PDGFD: variants seen among roughly 807,000 people sequenced by gnomAD.
PDGFD encodes the protein platelet-derived growth factor D.
PDGFD carries 30 observed loss-of-function variants against 44.7 expected under a neutral mutation model. That is an observed-to-expected ratio of 0.67 (90% CI 0.50 to 0.91). PDGFD has a LOEUF of 0.91. PDGFD is among the 40% of genes least tolerant of loss of function. PDGFD has a pLI of 0.00. For synonymous variants in PDGFD, 173 were observed against 168.4 expected, an observed-to-expected ratio of 1.03 and a Z score of -0.21; for missense variants, 445 against 457.8, an observed-to-expected ratio of 0.97 and a Z score of 0.25.
At chr11:104,037,145 G>A (rs138983347) in intron 1 of PDGFD, 16 of 1,613,598 alleles carry the variant, frequency 9.9e-6, no homozygotes, top group African/African-American at 1.3e-5. Flanking sequence ...TCCAGCTCCC[G>A]TCCACAGCAC....
intron 5 of PDGFD, among the ~76,000 whole-genome samples, chr11:103,939,954 C>T (rs78541499): frequency 0.012 from 1,791 of 152,146 alleles, 30 homozygotes; most frequent in African/African-American, 0.041. Context: ...ACTCCAGAAG[C>T]TTTTACAGAC....
chr11:104,065,692 T>C (rs1023920835), intron 1 of PDGFD, among the ~76,000 whole-genome samples: 3 of 152,216 alleles, frequency 2.0e-5, no homozygotes, highest in Non-Finnish European at 4.4e-5. Context: ...CTTTGGGTAA[T>C]GTCATTTCTA....
chr11:103,972,574 G>C (rs1011520675), intron 3 of PDGFD, among the ~76,000 whole-genome samples: 1 of 152,128 alleles, frequency 6.6e-6, no homozygotes, highest in African/African-American at 2.4e-5. Flanking sequence ...TTGAAGCTCA[G>C]TTTTGTGAGC....
intron 1 of PDGFD, chr11:104,036,734 G>A (rs1369485308): frequency 8.9e-6 from 9 of 1,005,604 alleles, no homozygotes; most frequent in African/African-American, 1.6e-5. Context: ...AAGTCCTGAG[G>A]AGCAGCGGCA....
intron 1 of PDGFD, among the ~76,000 whole-genome samples, chr11:104,157,147 T>C (rs1221159307): frequency 6.6e-6 from 1 of 152,150 alleles, no homozygotes; most frequent in East Asian, 1.9e-4. Context: ...CAAAATAATA[T>C]CTGCTGTGCT....
intron 4 of PDGFD, chr11:103,946,539 A>G (rs1008776092): frequency 2.0e-5 from 3 of 152,280 alleles, no homozygotes; most frequent in Non-Finnish European, 2.9e-5. Flanking sequence ...AAGCTGCAGC[A>G]TCCCATGACC....
intron 1 of PDGFD, among the ~76,000 whole-genome samples, chr11:104,097,346 A>G (rs1251049285): frequency 6.6e-6 from 1 of 152,212 alleles, no homozygotes; most frequent in African/African-American, 2.4e-5. Flanking sequence ...GATTTGTCAC[A>G]TATACAAGGA....
intron 1 of PDGFD, among the ~76,000 whole-genome samples, chr11:104,045,731 T>C (rs1262685303): frequency 6.9e-6 from 1 of 144,964 alleles, no homozygotes; most frequent in African/African-American, 2.5e-5. Context: ...CAAATAATGA[T>C]GTTAGTTTCA....
At chr11:103,967,599 T>TTC (rs1859040438) in intron 3 of PDGFD, among the ~76,000 whole-genome samples, 1 of 152,156 alleles carries the variant, frequency 6.6e-6, no homozygotes, top group African/African-American at 2.4e-5. Flanking sequence ...TCACTTTGGC[T>TTC]TCTCTTATTA....
rs186173303 is a variant in PDGFD at position 104,160,774 on chromosome 11, T to C, written c.124+3030A>G. On this transcript the variant is annotated intron_variant, in intron 1 of 6. Coordinates refer to ENST00000393158, the MANE Select transcript of PDGFD (RefSeq NM_025208.5). ...TTAGCCATTCTACAGGTAGAAAGGC[T>C]CTGCAGATATACCTTCAGAACAAGA... 4.7e-3 allele frequency among the ~76,000 whole-genome samples: 700 copies of C among 149,920 alleles called. 4 individuals carry two copies. The highest frequency in any genetic ancestry group is 6.8e-3 in the Middle Eastern group (2 of 294).
chr11:104,151,600 A>G (rs899183472), intron 1 of PDGFD, among the ~76,000 whole-genome samples: 14 of 152,172 alleles, frequency 9.2e-5, no homozygotes, highest in African/African-American at 3.1e-4. Context: ...TCAAATAATT[A>G]TTTCGCACAT....
At chr11:104,155,595 A>C (rs1862295821) in intron 1 of PDGFD, among the ~76,000 whole-genome samples, 1 of 152,238 alleles carries the variant, frequency 6.6e-6, no homozygotes, top group Non-Finnish European at 1.5e-5. Context: ...GGGTGATGTA[A>C]TTATATGGAA....
In PDGFD at chr11:103,908,483, A is replaced by G. The variant is rs1278248109; in HGVS notation, c.*1211T>C. ...ATTTTACTTGGTTCAGAAACAGGAA[A>G]TCAGAACAGTGAGCAAGTATACGAT... On this transcript the variant is annotated 3_prime_UTR_variant, in exon 7 of 7. Transcript: ENST00000393158. The G allele has an allele frequency of 6.6e-6, 1 of 152,238 alleles. No individual in the cohort carries two copies. Among genetic ancestry groups the G allele is most frequent in the Non-Finnish European group, 1.5e-5 (1 of 68,020 alleles). The allele number at this position is 152,238 out of a possible 1,614,324, so 9.4% of individuals were successfully genotyped here.
At chr11:104,084,730 C>T (rs1861096816) in intron 1 of PDGFD, among the ~76,000 whole-genome samples, 1 of 120,348 alleles carries the variant, frequency 8.3e-6, no homozygotes, top group African/African-American at 4.3e-5. Context: ...ATATATAATA[C>T]AGATATATGT....
chr11:104,009,274 T>C (rs1417806221), intron 1 of PDGFD, among the ~76,000 whole-genome samples: 1 of 152,034 alleles, frequency 6.6e-6, no homozygotes, highest in Non-Finnish European at 1.5e-5. Flanking sequence ...TAAAATAGTT[T>C]GCTGTTATAT....
chr11:103,909,901 C>A, intron 6 of PDGFD, 82 bp from the exon 7 acceptor site: 2 of 1,551,472 alleles, frequency 1.3e-6, no homozygotes, highest in Non-Finnish European at 1.8e-6. Flanking sequence ...ACCTTTTTGA[C>A]AACTAGTTCT....
At chr11:104,146,166 G>A (rs1278389623) in intron 1 of PDGFD, among the ~76,000 whole-genome samples, 1 of 152,158 alleles carries the variant, frequency 6.6e-6, no homozygotes, top group Non-Finnish European at 1.5e-5. Context: ...ACTATTTACA[G>A]ACACAACTCT....
At chr11:104,140,708 T>C (rs1465807897) in intron 1 of PDGFD, among the ~76,000 whole-genome samples, 1 of 152,218 alleles carries the variant, frequency 6.6e-6, no homozygotes, top group East Asian at 1.9e-4. Flanking sequence ...AACATTATCC[T>C]GGCAACTGAA....
At chr11:103,939,978 T>C (rs187997379) in intron 5 of PDGFD, among the ~76,000 whole-genome samples, 24 of 152,254 alleles carry the variant, frequency 1.6e-4, no homozygotes, top group African/African-American at 5.5e-4. Flanking sequence ...TTTGAGCTTA[T>C]CTATTACTTG....
Sources: allele counts gnomAD v4.1 joint callset (sites outside exome capture counted in the v4.1 genomes callset), GRCh38; gene constraint gnomAD v4.1.1; transcripts MANE v1.5; gene names NCBI Gene and HGNC (gene_info 2026-07-23, HGNC 2026-07-21).